The following HECW2 variants were observed in gnomAD, a reference collection of about 807,000 sequenced individuals.
The protein encoded by HECW2 is HECT, C2 and WW domain containing E3 ubiquitin protein ligase 2.
In HECW2, 61 loss-of-function variants were observed where a neutral mutation model predicts 175.2. The ratio of observed to expected loss-of-function variants is 0.35; its 90% CI spans 0.28 to 0.43. The LOEUF (loss-of-function observed/expected upper bound fraction) is 0.43, where lower values mean the gene tolerates loss of function less well. HECW2 is among the 20% of genes least tolerant of loss of function. The probability of loss-of-function intolerance (pLI) is 1.00; values close to 1 mark genes in which losing one functional copy is unlikely to be tolerated. For missense variants in HECW2, 1,524 were observed against 2,000.5 expected, an observed-to-expected ratio of 0.76 and a Z score of 4.54; for synonymous variants, 671 against 731.0, an observed-to-expected ratio of 0.92 and a Z score of 1.32.
chr2:196,266,180 A>AC (rs1169626376), intron 17 of HECW2, among the ~76,000 whole-genome samples: 1 of 151,390 alleles, frequency 6.6e-6, no homozygotes, highest in Admixed American at 6.6e-5. Context: ...AAAAAAAAAA[A>AC]AAAAAAACAC....
chr2:196,578,698 A>G (rs1690652093), intron 1 of HECW2, among the ~76,000 whole-genome samples: 1 of 152,204 alleles, frequency 6.6e-6, no homozygotes. Flanking sequence ...AGGCAGCAGT[A>G]TAACAATTCA....
At chr2:196,463,103 C>T (rs1404299612) in intron 1 of HECW2, among the ~76,000 whole-genome samples, 2 of 152,166 alleles carry the variant, frequency 1.3e-5, no homozygotes, top group Admixed American at 1.3e-4. Context: ...TAACCCAGTG[C>T]TTTCTTCTCT....
chr2:196,569,360 ACT>A (rs1690296573), intron 1 of HECW2, among the ~76,000 whole-genome samples: 2 of 150,036 alleles, frequency 1.3e-5, no homozygotes, highest in African/African-American at 5.0e-5. Flanking sequence ...ACTAAACTAA[ACT>A]AAACTAAACT....
At chr2:196,501,687 T>A (rs1687583421) in intron 1 of HECW2, among the ~76,000 whole-genome samples, 1 of 152,214 alleles carries the variant, frequency 6.6e-6, no homozygotes, top group Non-Finnish European at 1.5e-5. Context: ...TTATTTAAAA[T>A]GTAAAAGACT....
intron 1 of HECW2, among the ~76,000 whole-genome samples, chr2:196,582,997 G>A (rs1476076569): frequency 6.6e-6 from 1 of 152,108 alleles, no homozygotes; most frequent in Non-Finnish European, 1.5e-5. Flanking sequence ...ACATCCAGCT[G>A]GTTTCATTTG....
intron 1 of HECW2, among the ~76,000 whole-genome samples, chr2:196,563,078 C>A (rs1389834595): frequency 6.6e-6 from 1 of 152,056 alleles, no homozygotes; most frequent in Non-Finnish European, 1.5e-5. Flanking sequence ...CACCAGAAAC[C>A]AGCCTCTTGA....
chr2:196,207,552 C>T (rs1025317749), intron 28 of HECW2, among the ~76,000 whole-genome samples: 13 of 152,096 alleles, frequency 8.5e-5, no homozygotes, highest in African/African-American at 1.7e-4. Flanking sequence ...ACCAGGTGTT[C>T]GGTAAAGGTG....
At chr2:196,481,329 G>A (rs751351341) in intron 1 of HECW2, among the ~76,000 whole-genome samples, 14 of 152,176 alleles carry the variant, frequency 9.2e-5, no homozygotes, top group Non-Finnish European at 1.8e-4. Flanking sequence ...TAGGCTTATA[G>A]GTGCTGCCAA....
intron 28 of HECW2, among the ~76,000 whole-genome samples, chr2:196,204,330 C>T (rs927421738): frequency 1.4e-5 from 2 of 147,648 alleles, no homozygotes; most frequent in African/African-American, 5.1e-5. Flanking sequence ...ACACTTATTT[C>T]TTGTTTTTTG....
chr2:196,482,091 A>T (rs996756730), intron 1 of HECW2, among the ~76,000 whole-genome samples: 1 of 152,130 alleles, frequency 6.6e-6, no homozygotes, highest in Non-Finnish European at 1.5e-5. Flanking sequence ...CAAAGTATAA[A>T]TTTTTTCCTT....
At chr2:196,377,468 G>A (rs1026044203) in intron 2 of HECW2, among the ~76,000 whole-genome samples, 7 of 152,152 alleles carry the variant, frequency 4.6e-5, no homozygotes, top group Non-Finnish European at 8.8e-5. Flanking sequence ...AGCAAGGGAC[G>A]TCTTACATGG....
At chr2:196,542,707 A>G (rs930545682) in intron 1 of HECW2, among the ~76,000 whole-genome samples, 1 of 151,828 alleles carries the variant, frequency 6.6e-6, no homozygotes, top group Admixed American at 6.6e-5. Context: ...AAAATAATAT[A>G]GGATACAAAT....
chr2:196,480,495 A>G (rs1168888208), intron 1 of HECW2, among the ~76,000 whole-genome samples: 1 of 152,202 alleles, frequency 6.6e-6, no homozygotes, highest in Non-Finnish European at 1.5e-5. Flanking sequence ...CAGGTAGCAT[A>G]TTCCATCCCC....
chr2:196,400,197 G>A (rs1694780134), intron 2 of HECW2, among the ~76,000 whole-genome samples: 1 of 152,176 alleles, frequency 6.6e-6, no homozygotes, highest in African/African-American at 2.4e-5. Context: ...AGCATGTGGT[G>A]CCTTTGCAGC....
intron 14 of HECW2, among the ~76,000 whole-genome samples, chr2:196,284,928 T>C (rs1374465659): frequency 6.6e-6 from 1 of 152,228 alleles, no homozygotes; most frequent in Non-Finnish European, 1.5e-5. Flanking sequence ...ACAATATTGA[T>C]TCCCTAATGC....
At chr2:196,497,728 T>C (rs1422855664) in intron 1 of HECW2, among the ~76,000 whole-genome samples, 1 of 152,156 alleles carries the variant, frequency 6.6e-6, no homozygotes, top group Non-Finnish European at 1.5e-5. Context: ...CTAAAAATAT[T>C]ACCCTAACTT....
At chr2:196,570,720 T>G (rs1690354628) in intron 1 of HECW2, among the ~76,000 whole-genome samples, 1 of 152,182 alleles carries the variant, frequency 6.6e-6, no homozygotes, top group Non-Finnish European at 1.5e-5. Flanking sequence ...AGAAATAAAT[T>G]ATTTGCTCAC....
chr2:196,247,948 C>A (rs1559462575), intron 19 of HECW2, among the ~76,000 whole-genome samples: 1 of 152,190 alleles, frequency 6.6e-6, no homozygotes, highest in African/African-American at 2.4e-5. Context: ...CAAAAAATCC[C>A]TATGACATTT....
intron 1 of HECW2, among the ~76,000 whole-genome samples, chr2:196,555,113 A>C (rs1689749590): frequency 6.6e-6 from 1 of 152,256 alleles, no homozygotes; most frequent in African/African-American, 2.4e-5. Context: ...CCACTGAAGT[A>C]AGACTAAATA....
Sources: gnomAD v4.1 joint callset for allele counts (sites outside exome capture counted in the v4.1 genomes callset) on GRCh38, gnomAD v4.1.1 for gene constraint, MANE v1.5 for transcripts, NCBI Gene and HGNC (gene_info 2026-07-23, HGNC 2026-07-21) for gene names.